Variants in GRAMD1C observed in about 807,000 individuals in gnomAD.
GRAMD1C encodes GRAM domain containing 1C.
GRAMD1C carries 89 observed loss-of-function variants against 97.8 expected under a neutral mutation model. The ratio of observed to expected loss-of-function variants is 0.91; its 90% CI spans 0.77 to 1.09. The LOEUF is 1.09. Ranked by LOEUF, GRAMD1C falls within the 50% of genes least tolerant of loss-of-function variation. The pLI is 0.00. For missense variants in GRAMD1C, 740 were observed against 766.4 expected, an observed-to-expected ratio of 0.97 and a Z score of 0.41; for synonymous variants, 256 against 267.0, an observed-to-expected ratio of 0.96 and a Z score of 0.40.
chr3:113,847,203 A>G (rs1377571288), intron 2 of GRAMD1C, among the ~76,000 whole-genome samples: 1 of 152,194 alleles, frequency 6.6e-6, no homozygotes, highest in Non-Finnish European at 1.5e-5. Flanking sequence ...CTTTGTTTTT[A>G]TATTTTTTAA....
intron 8 of GRAMD1C, among the ~76,000 whole-genome samples, chr3:113,906,313 C>T (rs977557595): frequency 2.0e-5 from 3 of 152,124 alleles, no homozygotes; most frequent in African/African-American, 7.2e-5. Context: ...ATGACAGCTC[C>T]ATGCATGTTA....
rs762010585 is a variant in GRAMD1C, at chr3:113,850,785, T to A, written c.174+6136T>A. ...GCTGGAAAGGATATACTTAATTTTT[T>A]TTTTATTTTTATTTTTTTAATTTTT... On this transcript the variant is annotated intron_variant, in intron 2 of 17. Coordinates refer to ENST00000358160, the MANE Select transcript of GRAMD1C (RefSeq NM_017577.5). 337 of 796,894 alleles carry A rather than the reference T, an allele frequency of 4.2e-4. 1 individual carries two copies. In the Middle Eastern group the frequency reaches 5.4e-3, roughly 13 times the overall value. 49.4% of individuals were successfully genotyped at this position (796,894 alleles called of 1,614,324 possible). A position where few individuals can be genotyped will look rare whatever the true frequency, so the allele number is the denominator to read the frequency against.
intron 5 of GRAMD1C, among the ~76,000 whole-genome samples, chr3:113,879,518 C>T (rs187935459): frequency 1.3e-5 from 2 of 152,124 alleles, no homozygotes; most frequent in Admixed American, 1.3e-4. Context: ...CACTTGACAC[C>T]ACACAAAAAG....
intron 6 of GRAMD1C, among the ~76,000 whole-genome samples, chr3:113,898,899 A>G (rs1353193773): frequency 6.6e-6 from 1 of 152,124 alleles, no homozygotes; most frequent in African/African-American, 2.4e-5. Context: ...ATCTGGGCAC[A>G]GTAGATTGGG....
rs952477544 is a variant in GRAMD1C, at chr3:113,866,697, G to T, written c.175-2810G>T. ...TTTTTGAGGGTTGTTTTTAGTGATT[G>T]CTCAAGAGAGTATAGTATTCTTCAG... On this transcript the variant is annotated intron_variant, in intron 2 of 17. Transcript: ENST00000358160. Among the ~76,000 whole-genome samples the T allele has an allele frequency of 7.9e-5, 12 of 152,032 alleles. 1 individual carries two copies. The highest frequency in any genetic ancestry group is 3.9e-4 in the Admixed American group (6 of 15,262).
At chr3:113,934,697 A>G (rs1937543710) in intron 13 of GRAMD1C, among the ~76,000 whole-genome samples, 162 bp downstream of exon 13, 1 of 152,180 alleles carries the variant, frequency 6.6e-6, no homozygotes, top group South Asian at 2.1e-4. Context: ...CACTTAGGGA[A>G]TTTCAAAACT....
At chr3:113,847,069 A>G (rs1933644377) in intron 2 of GRAMD1C, among the ~76,000 whole-genome samples, 1 of 152,126 alleles carries the variant, frequency 6.6e-6, no homozygotes, top group Non-Finnish European at 1.5e-5. Flanking sequence ...TTTTTGCTAT[A>G]TTTTTTATAA....
intron 6 of GRAMD1C, among the ~76,000 whole-genome samples, chr3:113,895,514 C>T (rs1439509982): frequency 2.0e-5 from 3 of 152,026 alleles, no homozygotes; most frequent in Non-Finnish European, 4.4e-5. Context: ...ATTATCAAAT[C>T]CCCTTGTTCT....
intron 2 of GRAMD1C, among the ~76,000 whole-genome samples, chr3:113,855,324 A>C (rs1381506069): frequency 2.6e-5 from 4 of 152,036 alleles, no homozygotes; most frequent in Non-Finnish European, 5.9e-5. Context: ...AAACAAACAA[A>C]ACAAAACAAA....
chr3:113,930,892 A>G (rs760847289), intron 11 of GRAMD1C, 60 bp downstream of exon 11: 5 of 830,676 alleles, frequency 6.0e-6, no homozygotes, highest in Non-Finnish European at 6.1e-6. Context: ...GAAGATGCCT[A>G]TTATAGTTCA....
intron 6 of GRAMD1C, chr3:113,890,530 C>T (rs1935680131): frequency 3.9e-6 from 2 of 509,184 alleles, no homozygotes; most frequent in South Asian, 7.2e-5. Flanking sequence ...CGGTCACTTT[C>T]AGATTCATTG....
chr3:113,936,266 A>T lies in GRAMD1C; in HGVS notation c.1457A>T (p.Glu486Val). The change falls in exon 14 of 18, where the codon GAA (glutamate) becomes GTA (valine). Residue 486 changes from glutamate to valine, a missense_variant and splice_region_variant. Transcript: ENST00000358160. The part of the protein sequence containing the change: ...SSLEDYFKQL[E>V]SDLLIEESVL... ...TAAAGATTGTTTTTTTTTTTCTTAG[A>T]ATCAGATTTGTTAATTGAAGAATCT... The T allele has an allele frequency of 6.5e-7, 1 of 1,535,628 alleles. No individual in the cohort carries two copies. Among genetic ancestry groups the T allele is most frequent in the East Asian group, 2.3e-5 (1 of 44,120 alleles).
Position 113,938,149 on chromosome 3 carries a change from T to TA in GRAMD1C, c.1691+7dup, listed in dbSNP as rs1559827589. On this transcript the variant is annotated splice_region_variant and intron_variant, in intron 15 of 17. Transcript: ENST00000358160. ...ATTGTGGTAATGAGTATTTTGTAAG[T>TA]ATTTGTTGTGAATGCTTATTTTGCT... is the stretch of plus-strand genomic sequence containing the variant. 1 of 1,404,470 alleles carries TA rather than the reference T, an allele frequency of 7.1e-7. No individual in the cohort carries two copies. The highest frequency in any genetic ancestry group is 9.8e-7 in the Non-Finnish European group (1 of 1,018,718). The allele number at this position is 1,404,470 out of a possible 1,614,324, so 87.0% of individuals were successfully genotyped here.
chr3:113,928,344 TCA>T (rs1362454428), intron 10 of GRAMD1C, among the ~76,000 whole-genome samples: 1 of 152,180 alleles, frequency 6.6e-6, no homozygotes, highest in Non-Finnish European at 1.5e-5. Flanking sequence ...TAATTAAAGC[TCA>T]GTTTTAAGTC....
intron 13 of GRAMD1C, among the ~76,000 whole-genome samples, chr3:113,935,114 T>C (rs1937552413): frequency 6.6e-6 from 1 of 152,204 alleles, no homozygotes; most frequent in African/African-American, 2.4e-5. Flanking sequence ...TTTACAGATA[T>C]TAACTCATTT....
intron 2 of GRAMD1C, among the ~76,000 whole-genome samples, chr3:113,868,426 T>G (rs1348447913): frequency 2.0e-5 from 3 of 152,228 alleles, no homozygotes; most frequent in African/African-American, 7.2e-5. Flanking sequence ...TGGATTCTGA[T>G]TGCATTCCCT....
rs1417452680 is a variant in GRAMD1C at position 113,915,963 on chromosome 3, TGA to T, written c.1090+126_1090+127del. 3 of 733,316 alleles carry T rather than the reference TGA, an allele frequency of 4.1e-6. No individual in the cohort carries two copies. The African/African-American group carries it at 5.3e-5, about 13-fold the overall frequency. 45.4% of individuals were successfully genotyped at this position (733,316 alleles called of 1,614,324 possible). A position where few individuals can be genotyped will look rare whatever the true frequency, so the allele number is the denominator to read the frequency against. On this transcript the variant is annotated intron_variant, in intron 10 of 17. Coordinates refer to ENST00000358160, the MANE Select transcript of GRAMD1C (RefSeq NM_017577.5). ...AATTAGACATGCTTTGCTTTTATGT[TGA>T]CAGTATATAAACTGGTATTCAAATG...
intron 17 of GRAMD1C, among the ~76,000 whole-genome samples, chr3:113,943,575 G>A (rs1937910393): frequency 6.6e-6 from 1 of 152,108 alleles, no homozygotes; most frequent in Non-Finnish European, 1.5e-5. Context: ...TTTGAGATTG[G>A]CTTCTTTCAC....
At chr3:113,835,394 G>A (rs1709618604), upstream of GRAMD1C, among the ~76,000 whole-genome samples, 1 of 152,134 alleles carries the variant, frequency 6.6e-6, no homozygotes, top group Non-Finnish European at 1.5e-5. Flanking sequence ...CAAAGTCCAG[G>A]AGAACCATAG....
Sources: allele counts gnomAD v4.1 joint callset (sites outside exome capture counted in the v4.1 genomes callset), GRCh38; gene constraint gnomAD v4.1.1; transcripts MANE v1.5; gene names NCBI Gene and HGNC (gene_info 2026-07-23, HGNC 2026-07-21).